Variants in FOCAD observed in about 807,000 individuals in gnomAD.
FOCAD encodes the protein focadhesin.
Under a neutral mutation model 225.6 loss-of-function variants are expected in FOCAD, and 198 were observed. The observed-to-expected ratio is 0.88, with a 90% CI of 0.78 to 0.99. FOCAD has a LOEUF of 0.99. Ranked by LOEUF, FOCAD falls within the 50% of genes least tolerant of loss-of-function variation. The pLI is 0.00. For synonymous variants in FOCAD, 897 were observed against 755.0 expected (o/e 1.19, Z -3.08); for missense variants, 2,713 against 2,123.6 (o/e 1.28, Z -5.46).
chr9:20,708,742 C>G (rs1824593307), intron 1 of FOCAD, among the ~76,000 whole-genome samples: 1 of 150,346 alleles, frequency 6.7e-6, no homozygotes, highest in Non-Finnish European at 1.5e-5. Flanking sequence ...TGTCACTGTA[C>G]TCCAGCTTGA....
intron 11 of FOCAD, among the ~76,000 whole-genome samples, chr9:20,798,873 T>C (rs1444610114): frequency 2.8e-4 from 43 of 152,220 alleles, no homozygotes; most frequent in Admixed American, 2.7e-3. Flanking sequence ...ATCTTAGTTA[T>C]TTCTTGCCTT....
chr9:20,672,615 T>C (rs994287882), intron 2 of FOCAD, among the ~76,000 whole-genome samples: 1 of 152,206 alleles, frequency 6.6e-6, no homozygotes, highest in African/African-American at 2.4e-5. Flanking sequence ...CACGCCCAGC[T>C]AATTTTTGTA....
At chr9:20,726,860 C>G (rs1308164351) in intron 4 of FOCAD, among the ~76,000 whole-genome samples, 1 of 152,074 alleles carries the variant, frequency 6.6e-6, no homozygotes, top group Non-Finnish European at 1.5e-5. Flanking sequence ...ATTATTGAAG[C>G]TTTTCTGTAT....
chr9:20,911,843 A>G (rs1053434331), intron 22 of FOCAD, among the ~76,000 whole-genome samples: 2 of 152,130 alleles, frequency 1.3e-5, no homozygotes, highest in African/African-American at 4.8e-5. Flanking sequence ...TCTATACACT[A>G]TATCTTAGAA....
chr9:20,865,521 G>T (rs765481745), intron 16 of FOCAD, among the ~76,000 whole-genome samples: 21 of 152,012 alleles, frequency 1.4e-4, no homozygotes, highest in Non-Finnish European at 2.4e-4. Flanking sequence ...ACTGCCTTAA[G>T]TATTGTACAA....
intron 5 of FOCAD, among the ~76,000 whole-genome samples, chr9:20,742,841 G>A (rs1827742279): frequency 6.6e-6 from 1 of 152,212 alleles, no homozygotes. Flanking sequence ...TTGAGAAGCT[G>A]AGAAGAATTG....
At chr9:20,975,212 G>A (rs7032330) in intron 35 of FOCAD, among the ~76,000 whole-genome samples, 1,720 of 152,150 alleles carry the variant, frequency 0.011, 36 homozygotes, top group African/African-American at 0.038. Flanking sequence ...GTAGTTTCAC[G>A]TTTACATGGC....
chr9:20,964,573 G>T (rs911285737), intron 35 of FOCAD, among the ~76,000 whole-genome samples: 6 of 151,604 alleles, frequency 4.0e-5, no homozygotes, highest in Admixed American at 1.3e-4. Context: ...GTCTTGCTCT[G>T]TTGCCAGGCT....
chr9:20,948,964 A>T, intron 32 of FOCAD, 36 bp downstream of exon 32: 1 of 1,570,772 alleles, frequency 6.4e-7, no homozygotes, highest in South Asian at 1.1e-5. Flanking sequence ...AGACATCTAA[A>T]TATGTACATA....
At chr9:20,986,117 A>G (rs1022412900) in intron 39 of FOCAD, among the ~76,000 whole-genome samples, 171 bp from the exon 40 acceptor site, 1 of 152,090 alleles carries the variant, frequency 6.6e-6, no homozygotes, top group South Asian at 2.1e-4. Flanking sequence ...ACAACCCTCT[A>G]TTGTATGCTC....
chr9:20,983,158 G>A (rs769441390), intron 39 of FOCAD, among the ~76,000 whole-genome samples: 56 of 152,312 alleles, frequency 3.7e-4, no homozygotes, highest in Non-Finnish European at 6.2e-4. Context: ...AGAAATGTGA[G>A]TTCTTGAGCC....
rs186581488 is a variant in FOCAD, at chr9:20,934,189, G to A, written c.3407+1086G>A. ...GTTTACTCTGCTGACTGTTGCTTTT[G>A]CCATGCAAAAGCTCTTTCGTTTAAT... On this transcript the variant is annotated intron_variant, in intron 28 of 43. Transcript: ENST00000338382. Among the ~76,000 whole-genome samples the A allele has an allele frequency of 5.9e-3, 899 of 152,174 alleles. 4 individuals are homozygous for A. The highest frequency in any genetic ancestry group is 0.02 in the African/African-American group (849 of 41,508).
chr9:20,901,457 A>G (rs1371386552), intron 21 of FOCAD, among the ~76,000 whole-genome samples: 2 of 151,890 alleles, frequency 1.3e-5, no homozygotes, highest in Non-Finnish European at 2.9e-5. Context: ...GAATGCCATC[A>G]AAGTTTGTTA....
intron 2 of FOCAD, among the ~76,000 whole-genome samples, chr9:20,662,131 A>G (rs1339386782): frequency 6.6e-6 from 1 of 152,092 alleles, no homozygotes; most frequent in East Asian, 1.9e-4. Flanking sequence ...AACTTTTTAT[A>G]TTGTTTTTAT....
chr9:20,910,735 G>T (rs951231469), intron 22 of FOCAD, among the ~76,000 whole-genome samples: 1 of 152,022 alleles, frequency 6.6e-6, no homozygotes, highest in Admixed American at 6.6e-5. Context: ...AATGCTGCTG[G>T]ATCTCTCTAT....
At chr9:20,968,399 A>G (rs1167847075) in intron 35 of FOCAD, among the ~76,000 whole-genome samples, 1 of 73,296 alleles carries the variant, frequency 1.4e-5, no homozygotes, top group African/African-American at 4.7e-5. Flanking sequence ...CTAAGTTCCA[A>G]TTTTTGGTTC....
chr9:20,663,506 CAT>C (rs1491088220), intron 2 of FOCAD, among the ~76,000 whole-genome samples: 3 of 151,606 alleles, frequency 2.0e-5, no homozygotes, highest in South Asian at 2.1e-4. Flanking sequence ...CACACACACA[CAT>C]ACACACAGTT....
At chr9:20,680,562 A>T (rs1245888774), upstream of FOCAD, among the ~76,000 whole-genome samples, 2 of 152,200 alleles carry the variant, frequency 1.3e-5, no homozygotes, top group Non-Finnish European at 2.9e-5. Context: ...TCAAAAAAAA[A>T]TTTAAATTTT....
chr9:20,915,387 G>A (rs1240965393), intron 23 of FOCAD, among the ~76,000 whole-genome samples: 1 of 152,180 alleles, frequency 6.6e-6, no homozygotes, highest in Non-Finnish European at 1.5e-5. Context: ...GACGTAGAAA[G>A]AGAACCAAAA....
Sources: gnomAD v4.1 joint callset for allele counts (sites outside exome capture counted in the v4.1 genomes callset) on GRCh38, gnomAD v4.1.1 for gene constraint, MANE v1.5 for transcripts, NCBI Gene and HGNC (gene_info 2026-07-23, HGNC 2026-07-21) for gene names.